GIGYF2: variants seen among roughly 807,000 people sequenced by gnomAD.
The protein encoded by GIGYF2 is GRB10-interacting GYF protein 2.
A neutral mutation model predicts 208.1 loss-of-function variants in GIGYF2; 25 were observed. The ratio of observed to expected loss-of-function variants is 0.12; its 90% CI spans 0.09 to 0.17. The LOEUF is 0.17. Ranked by LOEUF, GIGYF2 falls within the 10% of genes least tolerant of loss-of-function variation. The pLI is 1.00. For missense variants in GIGYF2, 1,302 were observed against 1,579.4 expected (o/e 0.82, Z 2.98); for synonymous variants, 534 against 543.8 (o/e 0.98, Z 0.25).
intron 8 of GIGYF2, among the ~76,000 whole-genome samples, chr2:232,763,676 A>T (rs1432453542): frequency 6.6e-6 from 1 of 152,100 alleles, no homozygotes; most frequent in East Asian, 1.9e-4. Flanking sequence ...AATACAAAAA[A>T]AAATTAGCCA....
At chr2:232,835,920 C>T (rs1000461679) in intron 22 of GIGYF2, among the ~76,000 whole-genome samples, 24 of 147,288 alleles carry the variant, frequency 1.6e-4, no homozygotes, top group African/African-American at 4.9e-4. Context: ...GCGCTGACCC[C>T]GAGATAACTC....
At chr2:232,724,950 A>T (rs577272963) in intron 2 of GIGYF2, among the ~76,000 whole-genome samples, 1 of 152,252 alleles carries the variant, frequency 6.6e-6, no homozygotes, top group African/African-American at 2.4e-5. Flanking sequence ...AAAGAGAATT[A>T]TCCATAATCC....
At position 232,806,667 on chromosome 2, in the gene GIGYF2, T is replaced by C; in HGVS notation, c.1806+10T>C. 1 of 1,589,286 alleles carries C rather than the reference T, an allele frequency of 6.3e-7. No individual in the cohort carries two copies. Among genetic ancestry groups the C allele is most frequent in the Non-Finnish European group, 8.6e-7 (1 of 1,157,506 alleles). On this transcript the variant is annotated intron_variant, in intron 15 of 28. Transcript: ENST00000373563. This position sits in a 1 kb window ranked among gnomAD's most constrained non-coding sequence, Gnocchi z 4.0. ...TCCCCCTCCTCATATGGTAAGTACCTTTCACCTCACCTGGAATACATATTA... is the reference window on the plus strand; with the variant it reads ...TCCCCCTCCTCATATGGTAAGTACCCTTCACCTCACCTGGAATACATATTA...
At chr2:232,846,545 G>A (rs946338845) in intron 26 of GIGYF2, among the ~76,000 whole-genome samples, 1 of 152,144 alleles carries the variant, frequency 6.6e-6, no homozygotes, top group Non-Finnish European at 1.5e-5. Context: ...AAGAAACTGT[G>A]AAAAATAGCA....
At position 232,815,783 on chromosome 2, in the gene GIGYF2, A is replaced by G. The variant is rs765801461; in HGVS notation, c.2208+46A>G. ...CAACAGTGCATTGTCATCTGGCTGC[A>G]GGACATAAACATTGCTGTTTATTCA... is the stretch of plus-strand genomic sequence containing the variant. On this transcript the variant is annotated intron_variant, in intron 19 of 28. Coordinates refer to ENST00000373563, the MANE Select transcript of GIGYF2 (RefSeq NM_001103146.3). The G allele has an allele frequency of 8.1e-6, 8 of 985,018 alleles. No individual in the cohort carries two copies. The Admixed American group carries it at 1.4e-4, about 17-fold the overall frequency. The allele number at this position is 985,018 out of a possible 1,614,324, so 61.0% of individuals were successfully genotyped here.
At chr2:232,847,852 A>T (rs1243443844) in intron 27 of GIGYF2, among the ~76,000 whole-genome samples, 1 of 152,230 alleles carries the variant, frequency 6.6e-6, no homozygotes, top group Non-Finnish European at 1.5e-5. Flanking sequence ...CAACATGTCA[A>T]ACCCATAGAT....
At chr2:232,826,779 G>A (rs1050480713) in intron 21 of GIGYF2, among the ~76,000 whole-genome samples, 9 of 152,310 alleles carry the variant, frequency 5.9e-5, no homozygotes, top group Non-Finnish European at 2.9e-5. Flanking sequence ...CTATCAAACA[G>A]CATCACATAC....
intron 8 of GIGYF2, chr2:232,776,427 A>G: frequency 1.3e-6 from 2 of 1,597,196 alleles, no homozygotes; most frequent in Non-Finnish European, 1.7e-6. Context: ...AAGAATGGAT[A>G]TTATTGCATG....
chr2:232,829,337 G>T (rs747453750), intron 21 of GIGYF2, among the ~76,000 whole-genome samples: 5 of 152,068 alleles, frequency 3.3e-5, no homozygotes, highest in Non-Finnish European at 7.4e-5. Context: ...TTTGGTGTTT[G>T]CACGGTATAT....
intron 21 of GIGYF2, among the ~76,000 whole-genome samples, chr2:232,826,192 A>G (rs1701241238): frequency 6.6e-6 from 1 of 152,198 alleles, no homozygotes. Context: ...TAGTAGCATG[A>G]TTTATAATCC....
intron 14 of GIGYF2, among the ~76,000 whole-genome samples, chr2:232,800,160 G>A (rs1311406334): frequency 6.9e-6 from 1 of 144,256 alleles, no homozygotes; most frequent in African/African-American, 2.6e-5. Context: ...TTTTTGCTTT[G>A]TTGCCTATGC....
chr2:232,738,123 G>C (rs1379681942), intron 3 of GIGYF2, among the ~76,000 whole-genome samples: 1 of 151,792 alleles, frequency 6.6e-6, no homozygotes, highest in Non-Finnish European at 1.5e-5. Context: ...CACCATGTTG[G>C]CCAGGCTGGT....
Position 232,735,141 on chromosome 2 carries a change from T to C in GIGYF2, c.-43-14T>C. On this transcript the variant is annotated splice_polypyrimidine_tract_variant and intron_variant, in intron 2 of 28. Transcript: ENST00000373563. ...TCTCAACTAATAGTATGGAGATATT[T>C]TTCTCGTTAACAGGTTTCTTCACAT... 3 of 1,154,442 alleles carry C rather than the reference T, an allele frequency of 2.6e-6. No homozygotes were observed. Among genetic ancestry groups the C allele is most frequent in the Non-Finnish European group, 3.9e-6 (3 of 765,036 alleles). The allele number at this position is 1,154,442 out of a possible 1,614,324, so 71.5% of individuals were successfully genotyped here. A position where few individuals can be genotyped will look rare whatever the true frequency, so the allele number is the denominator to read the frequency against.
Position 232,796,167 on chromosome 2 carries a change from A to C in GIGYF2, c.1585A>C (p.Met529Leu). ...AGCTAAAGGAGTGTCGATTCCATTG[A>C]TGCATGAAGCAATGCAGAAGTGGTA... ...HRAKGVSIPL[M>L]HEAMQKWYYK... Residue 529 changes from methionine (M) to leucine (L), a missense_variant, in exon 14 of 29, where the codon ATG (methionine) becomes CTG (leucine). Physicochemically the swap from Met to Leu is conservative, Grantham distance 15. Coordinates refer to ENST00000373563, the MANE Select transcript of GIGYF2 (RefSeq NM_001103146.3). The C allele has an allele frequency of 1.3e-6, 2 of 1,599,288 alleles. No homozygotes were observed. The highest frequency in any genetic ancestry group is 1.7e-6 in the Non-Finnish European group (2 of 1,166,420).
chr2:232,747,583 G>A (rs746255658), intron 3 of GIGYF2, 32 bp from the exon 4 acceptor site: 1 of 1,613,030 alleles, frequency 6.2e-7, no homozygotes, highest in South Asian at 1.1e-5. Context: ...GCACCAGAAT[G>A]TTTGACATAT....
At chr2:232,745,393 C>T (rs1296361711) in intron 3 of GIGYF2, among the ~76,000 whole-genome samples, 2 of 152,090 alleles carry the variant, frequency 1.3e-5, no homozygotes, top group Non-Finnish European at 2.9e-5. Flanking sequence ...CTGTTGAAGA[C>T]TGCTAGGGTC....
At chr2:232,842,450 T>G (rs1459477479) in intron 23 of GIGYF2, among the ~76,000 whole-genome samples, 1 of 152,228 alleles carries the variant, frequency 6.6e-6, no homozygotes, top group Non-Finnish European at 1.5e-5. Context: ...TTTCATTAAA[T>G]GCACCATCTT....
intron 6 of GIGYF2, chr2:232,760,134 A>G (rs1698691386): frequency 1.2e-5 from 2 of 167,952 alleles, no homozygotes; most frequent in African/African-American, 4.8e-5. Context: ...ATGAAAATAA[A>G]ACAATAAAAT....
At chr2:232,753,761 C>G (rs1698421763) in intron 5 of GIGYF2, among the ~76,000 whole-genome samples, 1 of 151,948 alleles carries the variant, frequency 6.6e-6, no homozygotes, top group Non-Finnish European at 1.5e-5. Context: ...GAATTCAGTC[C>G]CAGGGAGTTT....
Sources: allele counts gnomAD v4.1 joint callset (sites outside exome capture counted in the v4.1 genomes callset), GRCh38; gene constraint gnomAD v4.1.1; non-coding constraint Gnocchi (gnomAD v3.1); transcripts MANE v1.5; gene names NCBI Gene and HGNC (gene_info 2026-07-23, HGNC 2026-07-21).